MYO1E: variants seen among roughly 807,000 people sequenced by gnomAD.
MYO1E encodes unconventional myosin-Ie.
In MYO1E, 68 loss-of-function variants were observed where a neutral mutation model predicts 151.1. That is an observed-to-expected ratio of 0.45 (90% CI 0.37 to 0.55). The LOEUF is 0.55. Ranked by LOEUF, MYO1E falls within the 20% of genes least tolerant of loss-of-function variation. The probability of loss-of-function intolerance (pLI) is 0.00; values close to 1 mark genes in which losing one functional copy is unlikely to be tolerated. For missense variants in MYO1E, 1,363 were observed against 1,389.3 expected (o/e 0.98, Z 0.30); for synonymous variants, 601 against 501.7 (o/e 1.20, Z -2.64).
At chr15:59,333,825 C>T (rs974367140) in intron 1 of MYO1E, among the ~76,000 whole-genome samples, 1 of 152,202 alleles carries the variant, frequency 6.6e-6, no homozygotes, top group Non-Finnish European at 1.5e-5. Context: ...CACTATGCAT[C>T]TAAGTAAACA....
chr15:59,356,294 C>T (rs969705874), intron 1 of MYO1E, among the ~76,000 whole-genome samples: 1 of 149,628 alleles, frequency 6.7e-6, no homozygotes, highest in Non-Finnish European at 1.5e-5. Context: ...TTCCATCTTT[C>T]CGAAGGGCAA....
intron 1 of MYO1E, among the ~76,000 whole-genome samples, chr15:59,276,301 A>C (rs1378408972): frequency 6.6e-6 from 1 of 152,088 alleles, no homozygotes; most frequent in Non-Finnish European, 1.5e-5. Flanking sequence ...TTCATTTTTG[A>C]GTAATTCCCT....
At chr15:59,140,893 C>T (rs2079405007) in intron 26 of MYO1E, among the ~76,000 whole-genome samples, 1 of 152,168 alleles carries the variant, frequency 6.6e-6, no homozygotes, top group African/African-American at 2.4e-5. Context: ...CACCACCCCC[C>T]TGCACTTTTC....
intron 2 of MYO1E, among the ~76,000 whole-genome samples, chr15:59,262,151 G>C (rs1345054134): frequency 6.6e-6 from 1 of 151,760 alleles, no homozygotes; most frequent in African/African-American, 2.4e-5. Flanking sequence ...AGGTTGCAGT[G>C]AGCCAAGATC....
chr15:59,139,184 A>C (rs1275768220), intron 26 of MYO1E, among the ~76,000 whole-genome samples: 2 of 151,766 alleles, frequency 1.3e-5, no homozygotes, highest in African/African-American at 4.8e-5. Context: ...TCATTACTCC[A>C]GAGACTTCCC....
At chr15:59,202,486 G>A (rs1566977384) in intron 15 of MYO1E, 79 bp from the exon 16 acceptor site, 1 of 1,268,288 alleles carries the variant, frequency 7.9e-7, no homozygotes, top group South Asian at 1.2e-5. Context: ...AGAGGATGGG[G>A]TGAAGGGCCG....
At chr15:59,222,267 A>G (rs2079960737) in intron 9 of MYO1E, among the ~76,000 whole-genome samples, 3 of 152,212 alleles carry the variant, frequency 2.0e-5, no homozygotes, top group Admixed American at 2.0e-4. Context: ...TATCATCCTT[A>G]AAGAATGCTG....
intron 1 of MYO1E, among the ~76,000 whole-genome samples, chr15:59,294,643 G>A (rs996565970): frequency 6.6e-5 from 10 of 152,136 alleles, no homozygotes; most frequent in East Asian, 1.9e-4. Flanking sequence ...TGCCCCTGTC[G>A]TTTCAGCCCC....
chr15:59,149,039 TTTTTTTTTTTTTG>T (rs1566964328), intron 26 of MYO1E, among the ~76,000 whole-genome samples: 1 of 65,586 alleles, frequency 1.5e-5, no homozygotes, highest in African/African-American at 6.7e-5. Flanking sequence ...GGATGAACTG[TTTTTTTTTTTTTG>T]TTTTTTTTTT....
chr15:59,212,271 GGCAATGGGA>G (rs2079883795), intron 12 of MYO1E, among the ~76,000 whole-genome samples: 1 of 151,988 alleles, frequency 6.6e-6, no homozygotes, highest in South Asian at 2.1e-4. Flanking sequence ...GGACTTAGAT[GGCAATGGGA>G]GCAATGGGTT....
At chr15:59,320,172 G>C (rs2080616864) in intron 1 of MYO1E, among the ~76,000 whole-genome samples, 2 of 152,156 alleles carry the variant, frequency 1.3e-5, no homozygotes, top group African/African-American at 4.8e-5. Context: ...AATCACAGAT[G>C]ACACAAACGA....
chr15:59,232,476 G>C (rs1179833822), intron 5 of MYO1E, among the ~76,000 whole-genome samples: 1 of 152,186 alleles, frequency 6.6e-6, no homozygotes, highest in Non-Finnish European at 1.5e-5. Context: ...GTCCTGGCCT[G>C]GGGGGAAGGA....
At chr15:59,242,898 C>G (rs1316085480) in intron 4 of MYO1E, among the ~76,000 whole-genome samples, 2 of 152,044 alleles carry the variant, frequency 1.3e-5, no homozygotes, top group African/African-American at 4.8e-5. Flanking sequence ...AATTTAATGC[C>G]TGAACTCTTT....
chr15:59,241,163 C>G (rs1448628401), intron 4 of MYO1E, among the ~76,000 whole-genome samples: 1 of 152,064 alleles, frequency 6.6e-6, no homozygotes. Flanking sequence ...TGGGATGAAG[C>G]CTGAGCCATA....
intron 2 of MYO1E, chr15:59,267,050 GGA>G (rs1377633921): frequency 3.8e-5 from 5 of 130,364 alleles, no homozygotes; most frequent in Non-Finnish European, 7.9e-5. Context: ...TTTTTGAGGT[GGA>G]GTCTTGCTCT....
chr15:59,238,962 T>G (rs1007749659), intron 4 of MYO1E, among the ~76,000 whole-genome samples: 3 of 151,594 alleles, frequency 2.0e-5, no homozygotes, highest in South Asian at 2.1e-4. Context: ...TCCTAGCACT[T>G]TGGGAGGCCA....
At chr15:59,265,799 A>T (rs1436976969) in intron 2 of MYO1E, among the ~76,000 whole-genome samples, 4 of 149,846 alleles carry the variant, frequency 2.7e-5, no homozygotes, top group African/African-American at 4.9e-5. Flanking sequence ...CCTTAAAAAA[A>T]AAAAAAAAAA....
At chr15:59,273,123 G>C (rs1210639018) in intron 1 of MYO1E, among the ~76,000 whole-genome samples, 3 of 152,216 alleles carry the variant, frequency 2.0e-5, no homozygotes, top group East Asian at 1.9e-4. Flanking sequence ...GACGAAACGA[G>C]ATCACGGAAC....
At chr15:59,251,862 C>T (rs77482339) in intron 4 of MYO1E, among the ~76,000 whole-genome samples, 1 of 152,294 alleles carries the variant, frequency 6.6e-6, no homozygotes, top group Admixed American at 6.5e-5. Flanking sequence ...TTTTAAGTGA[C>T]TTTTATGAAA....
Sources: gnomAD v4.1 joint callset for allele counts (sites outside exome capture counted in the v4.1 genomes callset) on GRCh38, gnomAD v4.1.1 for gene constraint, MANE v1.5 for transcripts, NCBI Gene and HGNC (gene_info 2026-07-23, HGNC 2026-07-21) for gene names.